STYXL1: variants seen among roughly 807,000 people sequenced by gnomAD.
The protein encoded by STYXL1 is serine/threonine/tyrosine-interacting-like protein 1.
In STYXL1, 32 loss-of-function variants were observed where a neutral mutation model predicts 36.4. The ratio of observed to expected loss-of-function variants is 0.88; its 90% confidence interval spans 0.66 to 1.18. STYXL1 has a LOEUF of 1.18. Ranked by LOEUF, STYXL1 falls within the 50% of genes most tolerant of loss-of-function variation. The pLI is 0.00. For synonymous variants in STYXL1, 133 were observed against 144.1 expected, an observed-to-expected ratio of 0.92 and a Z score of 0.55; for missense variants, 354 against 394.1, an observed-to-expected ratio of 0.90 and a Z score of 0.86.
At chr7:76,007,167 C>T (rs1373106183) in intron 5 of STYXL1, among the ~76,000 whole-genome samples, 6 of 152,176 alleles carry the variant, frequency 3.9e-5, no homozygotes, top group Non-Finnish European at 5.9e-5. Context: ...TGGCTCACAT[C>T]TGTAACCCCA....
chr7:76,038,198 G>A (rs534292615), intron 1 of STYXL1, among the ~76,000 whole-genome samples: 1 of 149,512 alleles, frequency 6.7e-6, no homozygotes, highest in Non-Finnish European at 1.5e-5. Flanking sequence ...GAGGCTACAG[G>A]TGCATGCCAC....
At chr7:76,007,322 A>T (rs964823703) in intron 5 of STYXL1, among the ~76,000 whole-genome samples, 1 of 152,128 alleles carries the variant, frequency 6.6e-6, no homozygotes, top group Admixed American at 6.5e-5. Flanking sequence ...GCTACTCGGG[A>T]GGCTGAGGCA....
Position 76,031,152 on chromosome 7 carries a change from C to T in STYXL1, c.-4-625G>A, listed in dbSNP as rs1176998473. 4.7e-5 allele frequency among the ~76,000 whole-genome samples: 7 copies of T among 149,578 alleles called. No homozygotes were observed. The East Asian group carries it at 1.4e-3, about 30-fold the overall frequency. ...CTCCAGCCTGGGTGACAGAGCGAGACTCTGTCTAAAATAATAATAATAATA... is the reference window on the plus strand; with the variant it reads ...CTCCAGCCTGGGTGACAGAGCGAGATTCTGTCTAAAATAATAATAATAATA... On this transcript the variant is annotated intron_variant, in intron 1 of 8. Coordinates refer to ENST00000359697, the MANE Select transcript of STYXL1 (RefSeq NM_001317785.2).
intron 3 of STYXL1, among the ~76,000 whole-genome samples, chr7:76,022,240 C>G (rs1353464528): frequency 6.6e-6 from 1 of 152,168 alleles, no homozygotes; most frequent in African/African-American, 2.4e-5. Context: ...AGTGCCTGAC[C>G]AAAGAACAGC....
rs902366119 is a variant in STYXL1 at position 76,047,999 on chromosome 7, G to A, written c.-342C>T. 7 of 1,497,490 alleles carry A rather than the reference G, an allele frequency of 4.7e-6. No individual in the cohort carries two copies. Among genetic ancestry groups the A allele is most frequent in the Non-Finnish European group, 3.6e-6 (4 of 1,124,606 alleles). 92.8% of individuals were successfully genotyped at this position (1,497,490 alleles called of 1,614,324 possible). ...CAGCTTTCCTTTCCGACTCCCGGAA[G>A]TGGCCGTGATCTCACGAGATCCCGG... On this transcript the variant is annotated 5_prime_UTR_variant, in exon 1 of 9. Transcript: ENST00000359697.
intron 8 of STYXL1, chr7:76,000,547 G>C: frequency 2.1e-6 from 1 of 474,444 alleles, no homozygotes; most frequent in Non-Finnish European, 4.2e-6. Flanking sequence ...AGATAGACGG[G>C]AGTGGGTGGG....
At chr7:76,025,786 TCAAAAACA>T (rs1404466084) in intron 3 of STYXL1, among the ~76,000 whole-genome samples, 2 of 151,734 alleles carry the variant, frequency 1.3e-5, no homozygotes, top group African/African-American at 2.4e-5. Flanking sequence ...AGATTCTGTC[TCAAAAACA>T]CAAAAAGACA....
chr7:76,027,357 G>A (rs919244610), intron 3 of STYXL1, among the ~76,000 whole-genome samples: 2 of 152,030 alleles, frequency 1.3e-5, no homozygotes, highest in African/African-American at 2.4e-5. Flanking sequence ...AAAAAAGGGA[G>A]ATGCTTCCAT....
intron 1 of STYXL1, among the ~76,000 whole-genome samples, chr7:76,038,850 G>T (rs1018069637): frequency 9.4e-5 from 14 of 149,108 alleles, no homozygotes; most frequent in Non-Finnish European, 1.9e-4. Context: ...GCAGTGGCGC[G>T]ATCGTCACTC....
At position 76,003,821 on chromosome 7, in the gene STYXL1, G is replaced by A. The variant is rs782114577; in HGVS notation, c.634C>T (p.Arg212Trp). Residue 212 changes from arginine to tryptophan, a missense_variant, in exon 7 of 9, where the codon CGG becomes TGG. By Grantham distance (101) the Arg-to-Trp change is moderately radical. Transcript: ENST00000359697. ...AGDADKLLHI[R>W]IEDSPEAQIL... Reference sequence around the variant, plus strand: ...TGGGCTTCCGGGGAATCTTCTATCCGGATGTGCAGAAGCTTGTCAGCATCG... The same window carrying A: ...TGGGCTTCCGGGGAATCTTCTATCCAGATGTGCAGAAGCTTGTCAGCATCG... 9.3e-6 allele frequency: 15 copies of A among 1,614,066 alleles called. No individual in the cohort carries two copies. Among genetic ancestry groups the A allele is most frequent in the East Asian group, 4.5e-5 (2 of 44,898 alleles).
At position 76,022,566 on chromosome 7, in the gene STYXL1, G is replaced by T. The variant is rs557112909; in HGVS notation, c.166-574C>A. ...TGTAGTCCCTACTACTCAGGAGGCT[G>T]AAGTGGACGGATCACTTGAGCCCAG... On this transcript the variant is annotated intron_variant, in intron 3 of 8. Transcript: ENST00000359697. Among the ~76,000 whole-genome samples, 20 of 152,268 alleles carry T rather than the reference G, an allele frequency of 1.3e-4. No individual in the cohort carries two copies. In the East Asian group the frequency reaches 2.9e-3, roughly 22 times the overall value.
Position 76,004,456 on chromosome 7 carries a change from C to G in STYXL1, c.600-601G>C, listed in dbSNP as rs185426963. On this transcript the variant is annotated intron_variant, in intron 6 of 8. Coordinates refer to ENST00000359697, the MANE Select transcript of STYXL1 (RefSeq NM_001317785.2). ...TGGTGGCTCACACCTGTAAACCCAG[C>G]ACTTTGGGAGGCCAAGGCAGGCAGA... Among the ~76,000 whole-genome samples the G allele has an allele frequency of 1.3e-3, 203 of 152,134 alleles. 9 individuals are homozygous for G. In the South Asian group the frequency reaches 0.038, roughly 28 times the overall value.
At chr7:76,029,989 C>A (rs1378453606) in intron 2 of STYXL1, among the ~76,000 whole-genome samples, 1 of 151,674 alleles carries the variant, frequency 6.6e-6, no homozygotes, top group African/African-American at 2.4e-5. Context: ...GGGTTGCGGA[C>A]TTCTTTTTTA....
At chr7:76,037,311 CA>C (rs1585332197) in intron 1 of STYXL1, among the ~76,000 whole-genome samples, 1 of 150,452 alleles carries the variant, frequency 6.6e-6, no homozygotes, top group Non-Finnish European at 1.5e-5. Flanking sequence ...GTACACCCAC[CA>C]GGGGGAAGGT....
chr7:76,045,372 T>C (rs1796854181), intron 1 of STYXL1: 2 of 152,144 alleles, frequency 1.3e-5, no homozygotes, highest in Non-Finnish European at 2.9e-5. Context: ...GTCAGTCTAA[T>C]CTTCCTCAAA....
intron 7 of STYXL1, among the ~76,000 whole-genome samples, chr7:76,002,684 G>A (rs1554568071): frequency 6.6e-6 from 1 of 152,184 alleles, no homozygotes; most frequent in Non-Finnish European, 1.5e-5. Context: ...AGTACTTTGG[G>A]AGGCTGAGGT....
intron 1 of STYXL1, among the ~76,000 whole-genome samples, chr7:76,046,274 C>CTTTGTG (rs1451331977): frequency 7.8e-5 from 8 of 103,164 alleles, no homozygotes; most frequent in South Asian, 3.7e-4. Flanking sequence ...AGCTTATCTG[C>CTTTGTG]TGTGTGTGTG....
At position 76,000,920 on chromosome 7, in the gene STYXL1, G is replaced by A; in HGVS notation, c.780C>T (p.Tyr260=). The A allele has an allele frequency of 6.2e-7, 1 of 1,614,176 alleles. No homozygotes were observed. The highest frequency in any genetic ancestry group is 1.7e-5 in the Admixed American group (1 of 60,028). The part of the protein sequence containing the change: ...ISRSCAAIIA[Y]LMHSNEQTLQ... ...AGGTCTGCTCGTTACTATGCATGAG[G>A]TAGGCTATGATGGCGGCACAACTGC... Residue 260 remains tyrosine (Y), a synonymous_variant, in exon 8 of 9, where the codon TAC becomes TAT. Transcript: ENST00000359697.
At chr7:76,013,688 T>C (rs1190018287) in intron 5 of STYXL1, 54 bp downstream of exon 5, 2 of 1,612,048 alleles carry the variant, frequency 1.2e-6, no homozygotes, top group Non-Finnish European at 1.7e-6. Context: ...ACAAGTCAGT[T>C]TCTAGGCCCA....
Sources: gnomAD v4.1 joint callset for allele counts (sites outside exome capture counted in the v4.1 genomes callset) on GRCh38, gnomAD v4.1.1 for gene constraint, MANE v1.5 for transcripts, NCBI Gene and HGNC (gene_info 2026-07-23, HGNC 2026-07-21) for gene names.